DNM3: variants seen among roughly 807,000 people sequenced by gnomAD.
The protein encoded by DNM3 is dynamin 3, also known as dynamin-3.
Under a neutral mutation model 101.6 loss-of-function variants are expected in DNM3, and 47 were observed. The observed-to-expected ratio is 0.46, with a 90% CI of 0.37 to 0.59. The LOEUF (loss-of-function observed/expected upper bound fraction) is 0.59, where lower values mean the gene tolerates loss of function less well. DNM3 is among the 20% of genes least tolerant of loss of function. DNM3 has a pLI of 0.00. For synonymous variants in DNM3, 385 were observed against 387.9 expected, an observed-to-expected ratio of 0.99 and a Z score of 0.09; for missense variants, 849 against 1,085.7, an observed-to-expected ratio of 0.78 and a Z score of 3.06.
intron 10 of DNM3, among the ~76,000 whole-genome samples, chr1:172,061,727 T>C (rs544005947): frequency 3.0e-4 from 44 of 146,376 alleles, no homozygotes; most frequent in Non-Finnish European, 2.7e-4. Context: ...AGGGATAGCA[T>C]TGGGAGATAT....
At chr1:171,921,870 C>T (rs199507116) in intron 2 of DNM3, 49 bp downstream of exon 2, 1 of 1,518,790 alleles carries the variant, frequency 6.6e-7, no homozygotes, top group Non-Finnish European at 9.0e-7. Flanking sequence ...CCTGTGGCCC[C>T]TTTTGCCTTC....
chr1:172,260,693 A>T (rs1293894134), intron 15 of DNM3, among the ~76,000 whole-genome samples: 3 of 152,048 alleles, frequency 2.0e-5, no homozygotes, highest in Admixed American at 2.0e-4. Context: ...TATCTCTTTG[A>T]TAAATTTCTC....
chr1:172,242,404 G>A (rs890496975), intron 14 of DNM3, among the ~76,000 whole-genome samples: 3 of 152,112 alleles, frequency 2.0e-5, no homozygotes, highest in Non-Finnish European at 4.4e-5. Context: ...ATGAGTTGCC[G>A]TGAGTAGAAA....
intron 2 of DNM3, among the ~76,000 whole-genome samples, chr1:171,980,074 T>A (rs1314921190): frequency 1.3e-5 from 2 of 152,024 alleles, no homozygotes; most frequent in African/African-American, 4.8e-5. Flanking sequence ...CTATTGTTCT[T>A]AACTCTCCTA....
At chr1:172,061,352 G>A (rs200472506) in intron 10 of DNM3, among the ~76,000 whole-genome samples, 37,493 of 129,990 alleles carry the variant, frequency 0.29, 6,312 homozygotes, top group East Asian at 0.62. Context: ...TACTGGGTAT[G>A]TACCCAAAGG....
chr1:171,964,588 G>A (rs2043441452), intron 2 of DNM3, among the ~76,000 whole-genome samples: 1 of 152,054 alleles, frequency 6.6e-6, no homozygotes, highest in South Asian at 2.1e-4. Context: ...GGATCTCCTG[G>A]GGCTGTGTCA....
chr1:172,363,176 C>T (rs2067834854), intron 17 of DNM3, among the ~76,000 whole-genome samples: 1 of 151,914 alleles, frequency 6.6e-6, no homozygotes, highest in African/African-American at 2.4e-5. Context: ...TCTGTACACT[C>T]ATTGCTTTTA....
Position 172,175,134 on chromosome 1 carries a change from A to G in DNM3, c.1659+43846A>G, listed in dbSNP as rs576988682. ...TCCTGACTTTAGCCAGGCACCTTAC[A>G]AAATACTGCTGTTGTTCACACGGGA... On this transcript the variant is annotated intron_variant, in intron 14 of 20. Coordinates refer to ENST00000627582, the MANE Select transcript of DNM3 (RefSeq NM_015569.5). Among the ~76,000 whole-genome samples the G allele has an allele frequency of 2.0e-5, 3 of 151,904 alleles. No individual in the cohort carries two copies. The East Asian group carries it at 5.8e-4, about 30-fold the overall frequency.
chr1:171,950,258 G>T (rs2042432981), intron 2 of DNM3, among the ~76,000 whole-genome samples: 1 of 152,086 alleles, frequency 6.6e-6, no homozygotes, highest in African/African-American at 2.4e-5. Context: ...CAACTTACAG[G>T]GTTCAGCTTA....
At chr1:171,993,921 A>G (rs1010684456) in intron 4 of DNM3, among the ~76,000 whole-genome samples, 1 of 151,302 alleles carries the variant, frequency 6.6e-6, no homozygotes, top group Non-Finnish European at 1.5e-5. Flanking sequence ...TTATCTCCAG[A>G]TTTTCTATTT....
intron 2 of DNM3, among the ~76,000 whole-genome samples, chr1:171,953,762 C>G (rs1166883250): frequency 1.3e-5 from 2 of 152,062 alleles, no homozygotes; most frequent in Non-Finnish European, 2.9e-5. Flanking sequence ...ATTTTCTGAC[C>G]TCATTTAAAA....
At chr1:171,972,573 G>A (rs1174514079) in intron 2 of DNM3, among the ~76,000 whole-genome samples, 1 of 152,192 alleles carries the variant, frequency 6.6e-6, no homozygotes, top group Admixed American at 6.5e-5. Context: ...TCCTAGGCTT[G>A]GCGCAGTGGC....
intron 11 of DNM3, among the ~76,000 whole-genome samples, chr1:172,072,838 G>A (rs1255788034): frequency 1.3e-5 from 2 of 152,180 alleles, no homozygotes; most frequent in African/African-American, 4.8e-5. Context: ...AGTGAGCTGA[G>A]ATTGCACCAT....
intron 4 of DNM3, among the ~76,000 whole-genome samples, chr1:172,015,364 A>G (rs965968408): frequency 6.6e-6 from 1 of 152,234 alleles, no homozygotes; most frequent in Non-Finnish European, 1.5e-5. Context: ...GGGAAGAACT[A>G]ATATCTTTGC....
At chr1:172,319,267 C>T (rs1457096889) in intron 16 of DNM3, among the ~76,000 whole-genome samples, 4 of 151,730 alleles carry the variant, frequency 2.6e-5, no homozygotes, top group Non-Finnish European at 5.9e-5. Context: ...AAATGTTAGA[C>T]CTAAAACCAT....
intron 1 of DNM3, among the ~76,000 whole-genome samples, chr1:171,921,372 A>T (rs146099213): frequency 1.3e-5 from 2 of 152,262 alleles, no homozygotes; most frequent in Admixed American, 1.3e-4. Context: ...GGGTTTTTTA[A>T]TTATCAAAAA....
chr1:172,147,898 G>A (rs2057975656), intron 14 of DNM3, among the ~76,000 whole-genome samples: 1 of 151,934 alleles, frequency 6.6e-6, no homozygotes, highest in African/African-American at 2.4e-5. Flanking sequence ...TTTCTCAATG[G>A]TCATTTTACA....
intron 14 of DNM3, among the ~76,000 whole-genome samples, chr1:172,209,429 C>T (rs554213961): frequency 6.6e-6 from 1 of 152,072 alleles, no homozygotes; most frequent in East Asian, 1.9e-4. Context: ...GAATATTGAT[C>T]ATTTTTCAAC....
intron 4 of DNM3, among the ~76,000 whole-genome samples, chr1:171,993,390 G>A (rs527420296): frequency 6.6e-6 from 1 of 151,596 alleles, no homozygotes; most frequent in East Asian, 1.9e-4. Context: ...TCATCAATTT[G>A]AGTATGTCAT....
Sources: gnomAD v4.1 joint callset for allele counts (sites outside exome capture counted in the v4.1 genomes callset) on GRCh38, gnomAD v4.1.1 for gene constraint, MANE v1.5 for transcripts, NCBI Gene and HGNC (gene_info 2026-07-23, HGNC 2026-07-21) for gene names.